CSTPP1: variants seen among roughly 807,000 people sequenced by gnomAD.
CSTPP1 encodes the protein UPF0705 protein C11orf49.
chr11:47,155,154 A>C, the CSTPP1 span: 3 of 1,586,262 alleles, frequency 1.9e-6, no homozygotes, highest in Admixed American at 3.4e-5. Flanking sequence ...TCTCTCTCTC[A>C]GATTCTCTCT....
chr11:47,044,032 G>T, the CSTPP1 span, among the ~76,000 whole-genome samples: 44 of 152,208 alleles, frequency 2.9e-4, no homozygotes, highest in Non-Finnish European at 5.1e-4. Context: ...TGTCACCCAG[G>T]CTGGAGTGTA....
the CSTPP1 span, among the ~76,000 whole-genome samples, chr11:47,039,791 A>C: frequency 1.6e-5 from 2 of 128,360 alleles, no homozygotes; most frequent in African/African-American, 2.5e-5. Flanking sequence ...GTGAGCCGAG[A>C]TCGTGCCACT....
At chr11:47,115,405 G>A in the CSTPP1 span, among the ~76,000 whole-genome samples, 34 of 152,144 alleles carry the variant, frequency 2.2e-4, no homozygotes, top group Non-Finnish European at 3.4e-4. Context: ...AGAAGGAATG[G>A]TACCAGCTCC....
the CSTPP1 span, among the ~76,000 whole-genome samples, chr11:46,981,075 A>C: frequency 6.6e-6 from 1 of 152,270 alleles, no homozygotes; most frequent in South Asian, 2.1e-4. Context: ...TCTACCTTAG[A>C]AAAACTCTTG....
the CSTPP1 span, among the ~76,000 whole-genome samples, chr11:47,005,600 C>G: frequency 6.6e-6 from 1 of 151,968 alleles, no homozygotes; most frequent in African/African-American, 2.4e-5. Context: ...TTTGGATAAA[C>G]AAAACAGAAA....
the CSTPP1 span, among the ~76,000 whole-genome samples, chr11:47,058,447 G>T: frequency 6.6e-6 from 1 of 152,108 alleles, no homozygotes; most frequent in Non-Finnish European, 1.5e-5. Flanking sequence ...AGAGATGATG[G>T]AATTAACTAA....
chr11:47,156,999 ACACCCCCACCCC>A, the CSTPP1 span: 1 of 1,613,378 alleles, frequency 6.2e-7, no homozygotes, highest in Non-Finnish European at 8.5e-7. Context: ...GTCCACACCC[ACACCCCCACCCC>A]CACGGTTCCA....
chr11:47,094,494 G>C, the CSTPP1 span, among the ~76,000 whole-genome samples: 1 of 152,134 alleles, frequency 6.6e-6, no homozygotes, highest in Non-Finnish European at 1.5e-5. Context: ...GAGAGAGAGA[G>C]AGAGAGAGAA....
the CSTPP1 span, among the ~76,000 whole-genome samples, chr11:46,993,726 G>A: frequency 1.3e-5 from 2 of 152,116 alleles, no homozygotes; most frequent in Non-Finnish European, 2.9e-5. Context: ...CTCCAGCTTT[G>A]TTCTTTTGGC....
At chr11:47,074,515 A>G in the CSTPP1 span, among the ~76,000 whole-genome samples, 1 of 145,114 alleles carries the variant, frequency 6.9e-6, no homozygotes, top group African/African-American at 2.6e-5. Context: ...AAAAAAAAAA[A>G]AAAAAACAGA....
At chr11:47,088,355 C>T in the CSTPP1 span, among the ~76,000 whole-genome samples, 1 of 151,960 alleles carries the variant, frequency 6.6e-6, no homozygotes, top group Non-Finnish European at 1.5e-5. Flanking sequence ...ATACATGGTC[C>T]CTACTATGAA....
the CSTPP1 span, among the ~76,000 whole-genome samples, chr11:46,944,760 C>G: frequency 1.3e-5 from 2 of 152,190 alleles, no homozygotes; most frequent in Admixed American, 1.3e-4. Context: ...TAGGGTCACA[C>G]CTGCATTTGA....
the CSTPP1 span, among the ~76,000 whole-genome samples, chr11:47,049,188 T>C: frequency 2.6e-5 from 4 of 151,880 alleles, no homozygotes; most frequent in Non-Finnish European, 4.4e-5. Flanking sequence ...GGTTTCACTA[T>C]GTTGCCCAGG....
chr11:47,163,642 ATGTAATTTTTTCTTTTT>A, the CSTPP1 span, among the ~76,000 whole-genome samples: 1 of 151,994 alleles, frequency 6.6e-6, no homozygotes, highest in Non-Finnish European at 1.5e-5. Context: ...ATGTATATAT[ATGTAATTTTTTCTTTTT>A]TGAGACAGGG....
the CSTPP1 span, among the ~76,000 whole-genome samples, chr11:47,163,368 G>T: frequency 2.6e-5 from 4 of 152,092 alleles, no homozygotes; most frequent in Admixed American, 1.3e-4. Flanking sequence ...AATTCCAGAT[G>T]ATCCCAAAGC....
chr11:47,094,248 A>G, the CSTPP1 span, among the ~76,000 whole-genome samples: 1 of 152,238 alleles, frequency 6.6e-6, no homozygotes, highest in East Asian at 1.9e-4. Flanking sequence ...ATTTAAATTT[A>G]AAGTAATTAA....
chr11:47,080,875 G>A, the CSTPP1 span, among the ~76,000 whole-genome samples: 7 of 151,892 alleles, frequency 4.6e-5, no homozygotes, highest in Admixed American at 2.0e-4. Flanking sequence ...CAGGCATAGT[G>A]GTGTGTGCCT....
the CSTPP1 span, among the ~76,000 whole-genome samples, chr11:47,078,592 G>C: frequency 2.7e-3 from 413 of 152,254 alleles, no homozygotes; most frequent in Non-Finnish European, 4.1e-3. Context: ...GGACTCAAGA[G>C]CATAGATGGA....
At chr11:47,164,269 T>C in the CSTPP1 span, 4 of 1,605,560 alleles carry the variant, frequency 2.5e-6, no homozygotes, top group Non-Finnish European at 3.4e-6. Flanking sequence ...GGGCCGGCAC[T>C]GGGCAGGGAG....
Sources: gnomAD v4.1 joint callset for allele counts (sites outside exome capture counted in the v4.1 genomes callset) on GRCh38, gnomAD v4.1.1 for gene constraint, MANE v1.5 for transcripts, NCBI Gene and HGNC (gene_info 2026-07-23, HGNC 2026-07-21) for gene names.